The following TLL1 variants were observed in gnomAD, a reference collection of about 807,000 sequenced individuals.
The protein encoded by TLL1 is tolloid like 1, also known as tolloid-like protein 1.
A neutral mutation model predicts 128.2 loss-of-function variants in TLL1; 49 were observed. The observed-to-expected ratio is 0.38, with a 90% CI of 0.30 to 0.48. The LOEUF (loss-of-function observed/expected upper bound fraction) is 0.48. Ranked by LOEUF, TLL1 falls within the 20% of genes least tolerant of loss-of-function variation. TLL1 has a pLI of 0.96. For synonymous variants in TLL1, 454 were observed against 418.8 expected (o/e 1.08, Z -1.03); for missense variants, 1,123 against 1,242.0 (o/e 0.90, Z 1.44).
chr4:166,077,434 A>C (rs993653660), intron 17 of TLL1, among the ~76,000 whole-genome samples: 5 of 152,170 alleles, frequency 3.3e-5, no homozygotes, highest in Non-Finnish European at 5.9e-5. Context: ...TAAGAGAGAG[A>C]GAAAATGTAA....
intron 18 of TLL1, among the ~76,000 whole-genome samples, chr4:166,081,741 A>AT (rs200031279): frequency 0.17 from 24,870 of 146,204 alleles, 2,215 homozygotes; most frequent in South Asian, 0.27. Flanking sequence ...CAAAGTTGTT[A>AT]TTTTTTTTTT....
chr4:165,904,728 G>A (rs997782443), intron 1 of TLL1, among the ~76,000 whole-genome samples: 2 of 151,998 alleles, frequency 1.3e-5, no homozygotes, highest in African/African-American at 4.8e-5. Flanking sequence ...TGTGAGCCAC[G>A]GATTTAAGAA....
intron 5 of TLL1, among the ~76,000 whole-genome samples, chr4:166,001,034 G>T (rs747151407): frequency 6.6e-6 from 1 of 152,090 alleles, no homozygotes; most frequent in Non-Finnish European, 1.5e-5. Flanking sequence ...GAAAAAAAAG[G>T]GTAGGGGGAG....
intron 16 of TLL1, among the ~76,000 whole-genome samples, chr4:166,071,476 A>G (rs1667466470): frequency 6.6e-6 from 1 of 152,010 alleles, no homozygotes; most frequent in African/African-American, 2.4e-5. Context: ...TCGATAAAAC[A>G]TTTATTTCTA....
At chr4:165,896,506 C>T (rs1460093705) in intron 1 of TLL1, among the ~76,000 whole-genome samples, 6 of 138,934 alleles carry the variant, frequency 4.3e-5, no homozygotes, top group African/African-American at 1.1e-4. Context: ...TTTTTCAGAC[C>T]GAGTCTCACT....
chr4:166,047,734 C>T (rs1259606574), intron 12 of TLL1, among the ~76,000 whole-genome samples: 1 of 151,982 alleles, frequency 6.6e-6, no homozygotes, highest in Non-Finnish European at 1.5e-5. Flanking sequence ...AATCTTTGAG[C>T]AGGAAGGAAC....
chr4:165,976,146 C>T (rs1579570934), intron 1 of TLL1, among the ~76,000 whole-genome samples: 1 of 150,554 alleles, frequency 6.6e-6, no homozygotes, highest in South Asian at 2.1e-4. Context: ...CACATACACA[C>T]ACAGAGCAAC....
intron 1 of TLL1, among the ~76,000 whole-genome samples, chr4:165,940,342 A>T (rs1733948991): frequency 6.6e-6 from 1 of 151,940 alleles, no homozygotes; most frequent in Non-Finnish European, 1.5e-5. Flanking sequence ...GCTTGAATCC[A>T]ATTTGAACTA....
chr4:166,027,953 T>C (rs1738583833), intron 9 of TLL1, among the ~76,000 whole-genome samples: 2 of 152,108 alleles, frequency 1.3e-5, no homozygotes, highest in South Asian at 2.1e-4. Context: ...AAATCTATCA[T>C]CTATTATTTT....
At chr4:165,910,020 G>C (rs1732455279) in intron 1 of TLL1, among the ~76,000 whole-genome samples, 1 of 152,128 alleles carries the variant, frequency 6.6e-6, no homozygotes, top group Admixed American at 6.5e-5. Context: ...TGCCATTAAG[G>C]AAAATAAGAG....
chr4:166,069,203 A>G (rs80142987), intron 16 of TLL1, among the ~76,000 whole-genome samples: 1 of 151,760 alleles, frequency 6.6e-6, no homozygotes, highest in South Asian at 2.1e-4. Context: ...CAAAAATTTT[A>G]TTACAGGCAA....
At chr4:166,099,894 GA>G (rs1412408365) in intron 20 of TLL1, among the ~76,000 whole-genome samples, 3 of 152,058 alleles carry the variant, frequency 2.0e-5, no homozygotes, top group Admixed American at 6.6e-5. Context: ...AAGCATAAAG[GA>G]AAAAAATAAT....
At chr4:166,009,413 A>C (rs1220986893) in intron 7 of TLL1, among the ~76,000 whole-genome samples, 1 of 151,398 alleles carries the variant, frequency 6.6e-6, no homozygotes, top group Non-Finnish European at 1.5e-5. Flanking sequence ...CAGATGATAA[A>C]TCTTTAGCAA....
At chr4:165,962,313 A>T (rs1209488408) in intron 1 of TLL1, among the ~76,000 whole-genome samples, 1 of 152,206 alleles carries the variant, frequency 6.6e-6, no homozygotes, top group Non-Finnish European at 1.5e-5. Flanking sequence ...GAACAAAAGT[A>T]TGAAAAAATT....
At chr4:166,092,780 C>T (rs1411536438) in intron 19 of TLL1, among the ~76,000 whole-genome samples, 3 of 151,992 alleles carry the variant, frequency 2.0e-5, no homozygotes, top group African/African-American at 7.2e-5. Context: ...CTTTTTACCC[C>T]TTGTAAGTGG....
chr4:166,100,996 G>T lies in TLL1; in HGVS notation c.*120G>T. The T allele has an allele frequency of 3.9e-6, 5 of 1,287,116 alleles. No homozygotes were observed. The highest frequency in any genetic ancestry group is 5.4e-6 in the Non-Finnish European group (5 of 924,850). The allele number at this position is 1,287,116 out of a possible 1,614,324, so 79.7% of individuals were successfully genotyped here. A position where few individuals can be genotyped will look rare whatever the true frequency, so the allele number is the denominator to read the frequency against. Reference sequence around the variant, plus strand: ...CAAAGAGTTTGAACAAAAAATCCCTGTAAGACCAGAATTATCTTTGTACTA... The same window carrying T: ...CAAAGAGTTTGAACAAAAAATCCCTTTAAGACCAGAATTATCTTTGTACTA... On this transcript the variant is annotated 3_prime_UTR_variant, in exon 21 of 21. Transcript: ENST00000061240.
At chr4:165,973,068 TAGTC>T (rs1272044847) in intron 1 of TLL1, among the ~76,000 whole-genome samples, 1 of 152,134 alleles carries the variant, frequency 6.6e-6, no homozygotes, top group African/African-American at 2.4e-5. Context: ...CTGTCTGTAT[TAGTC>T]AGGGTTCTCC....
At chr4:165,968,667 G>A (rs75117981) in intron 1 of TLL1, among the ~76,000 whole-genome samples, 2,394 of 152,188 alleles carry the variant, frequency 0.016, 81 homozygotes, top group East Asian at 0.15. Flanking sequence ...GGCCTAAAAG[G>A]GGGAGATGAT....
chr4:166,009,040 A>T (rs1450130919), intron 7 of TLL1, among the ~76,000 whole-genome samples: 1 of 151,542 alleles, frequency 6.6e-6, no homozygotes, highest in African/African-American at 2.4e-5. Context: ...CTGTATTTTT[A>T]AAATTATGCT....
Sources: allele counts gnomAD v4.1 joint callset (sites outside exome capture counted in the v4.1 genomes callset), GRCh38; gene constraint gnomAD v4.1.1; transcripts MANE v1.5; gene names NCBI Gene and HGNC (gene_info 2026-07-23, HGNC 2026-07-21).